Variants in BBS9 observed in about 807,000 individuals in gnomAD.
BBS9 encodes the protein Bardet-Biedl syndrome 9, also known as protein PTHB1.
Under a neutral mutation model 117.7 loss-of-function variants are expected in BBS9, and 89 were observed. The observed-to-expected ratio is 0.76, with a 90% CI of 0.64 to 0.90. The LOEUF (loss-of-function observed/expected upper bound fraction) is 0.90, where lower values mean the gene tolerates loss of function less well. Ranked by LOEUF, BBS9 falls within the 40% of genes least tolerant of loss-of-function variation. BBS9 has a pLI of 0.00. For synonymous variants in BBS9, 379 were observed against 370.9 expected (o/e 1.02, Z -0.25); for missense variants, 982 against 1,042.2 (o/e 0.94, Z 0.80).
intron 17 of BBS9, 117 bp from the exon 18 acceptor site, chr7:33,383,549 T>C (rs1033895395): frequency 2.2e-6 from 2 of 921,902 alleles, no homozygotes; most frequent in Non-Finnish European, 3.4e-6. Context: ...TGTAATCATA[T>C]CTTTGTTACA....
chr7:33,171,264 C>T (rs979445952), intron 4 of BBS9, among the ~76,000 whole-genome samples: 3 of 151,804 alleles, frequency 2.0e-5, no homozygotes, highest in Non-Finnish European at 2.9e-5. Flanking sequence ...AGATATAGAT[C>T]AATGGAACAG....
intron 19 of BBS9, among the ~76,000 whole-genome samples, chr7:33,391,877 A>G (rs1471857378): frequency 6.6e-6 from 1 of 152,194 alleles, no homozygotes; most frequent in African/African-American, 2.4e-5. Flanking sequence ...TTTTTGACAC[A>G]TGAGGTTTAA....
rs757754301 is a variant in BBS9 at position 33,505,620 on chromosome 7, C to T, written c.2273C>T (p.Pro758Leu). ...GCTATTCTGGAAGCGGCATTTCTGC[C>T]GCTACAAGAAGACACTCAAGAATTG... ...QVAILEAAFL[P>L]LQEDTQELGW... Residue 758 changes from proline (P) to leucine (L), a missense_variant, in exon 20 of 23, where the codon CCG (proline) becomes CTG (leucine). By Grantham distance (98) the Pro-to-Leu change is moderately conservative (BLOSUM62 -3). Transcript: ENST00000242067. 2.2e-5 allele frequency: 35 copies of T among 1,613,612 alleles called. No individual in the cohort carries two copies. Among genetic ancestry groups the T allele is most frequent in the East Asian group, 1.1e-4 (5 of 44,876 alleles).
At chr7:33,588,727 G>T (rs945420677) in intron 21 of BBS9, among the ~76,000 whole-genome samples, 13 of 152,160 alleles carry the variant, frequency 8.5e-5, no homozygotes, top group Admixed American at 2.6e-4. Flanking sequence ...GATAGGCTTT[G>T]TTCACAAGAC....
intron 14 of BBS9, 37 bp from the exon 15 acceptor site, chr7:33,352,822 T>C: frequency 1.9e-6 from 3 of 1,608,246 alleles, no homozygotes; most frequent in African/African-American, 1.3e-5. Context: ...TGCCTTCTTT[T>C]CCCCCTACCC....
rs559173892 is a variant in BBS9 at position 33,279,373 on chromosome 7, G to A, written c.1016+5417G>A. 2.6e-5 allele frequency among the ~76,000 whole-genome samples: 4 copies of A among 152,338 alleles called. No individual in the cohort carries two copies. In the East Asian group the frequency reaches 7.7e-4, roughly 29 times the overall value. On this transcript the variant is annotated intron_variant, in intron 9 of 22. Coordinates refer to ENST00000242067, the MANE Select transcript of BBS9 (RefSeq NM_198428.3). ...TTATGGGTATGAGCCACAGTGCTCA[G>A]CCCACATATTTATATTAGGAAGTTA...
At chr7:33,412,542 T>C (rs1355902451) in intron 19 of BBS9, among the ~76,000 whole-genome samples, 1 of 152,234 alleles carries the variant, frequency 6.6e-6, no homozygotes, top group Non-Finnish European at 1.5e-5. Flanking sequence ...TTCCTATTCC[T>C]GGAGTTCAGC....
At chr7:33,614,923 C>T (rs1209572231) in intron 21 of BBS9, among the ~76,000 whole-genome samples, 1 of 152,078 alleles carries the variant, frequency 6.6e-6, no homozygotes, top group Non-Finnish European at 1.5e-5. Context: ...GCATAAACTA[C>T]TGGAGTTTTA....
intron 5 of BBS9, among the ~76,000 whole-genome samples, chr7:33,220,577 C>T (rs1180963962): frequency 3.3e-5 from 5 of 152,222 alleles, no homozygotes; most frequent in Non-Finnish European, 7.3e-5. Context: ...CAGTTTTGAG[C>T]ACGCTTATGT....
At chr7:33,520,551 T>G (rs1848453509) in intron 20 of BBS9, among the ~76,000 whole-genome samples, 1 of 152,194 alleles carries the variant, frequency 6.6e-6, no homozygotes. Context: ...TAAAATAATT[T>G]TCCCAGAGAC....
At chr7:33,221,003 C>T (rs971245798) in intron 5 of BBS9, among the ~76,000 whole-genome samples, 4 of 152,176 alleles carry the variant, frequency 2.6e-5, no homozygotes, top group African/African-American at 9.7e-5. Context: ...GAGGTTTAGC[C>T]GTGCTTTTTT....
At chr7:33,531,448 C>T (rs1432964198) in intron 20 of BBS9, among the ~76,000 whole-genome samples, 2 of 152,128 alleles carry the variant, frequency 1.3e-5, no homozygotes, top group Admixed American at 1.3e-4. Flanking sequence ...TGTGGGATAC[C>T]TACACTCCAA....
chr7:33,143,549 C>T (rs972549997), intron 1 of BBS9, among the ~76,000 whole-genome samples: 1 of 151,640 alleles, frequency 6.6e-6, no homozygotes, highest in Non-Finnish European at 1.5e-5. Flanking sequence ...TTCATATGCT[C>T]CTTGGCCATT....
At chr7:33,233,569 T>A (rs1455470035) in intron 5 of BBS9, among the ~76,000 whole-genome samples, 1 of 151,980 alleles carries the variant, frequency 6.6e-6, no homozygotes, top group Non-Finnish European at 1.5e-5. Flanking sequence ...ATATCAAGCA[T>A]TTTTTTTCTT....
At chr7:33,475,290 T>G (rs1376943395) in intron 19 of BBS9, among the ~76,000 whole-genome samples, 2 of 152,228 alleles carry the variant, frequency 1.3e-5, no homozygotes, top group African/African-American at 4.8e-5. Flanking sequence ...GGTAAGCCCA[T>G]GGGCCATAGT....
intron 21 of BBS9, among the ~76,000 whole-genome samples, chr7:33,545,839 A>G (rs1047042031): frequency 4.0e-5 from 6 of 150,988 alleles, no homozygotes; most frequent in Non-Finnish European, 7.4e-5. Context: ...GTTTGTATGC[A>G]TATCCTTCTA....
downstream of BBS9, among the ~76,000 whole-genome samples, chr7:33,606,983 G>A (rs1009073425): frequency 5.9e-5 from 9 of 151,952 alleles, no homozygotes; most frequent in Non-Finnish European, 4.4e-5. Context: ...TCCTCTTAAG[G>A]TTCTCCTAAT....
chr7:33,245,351 T>C (rs1270234172), intron 5 of BBS9, among the ~76,000 whole-genome samples: 1 of 152,156 alleles, frequency 6.6e-6, no homozygotes, highest in Non-Finnish European at 1.5e-5. Flanking sequence ...TTAGTGTTTC[T>C]AGTGTTAGGC....
rs192494892 is a variant in BBS9 at position 33,271,393 on chromosome 7, A to C, written c.703-1619A>C. 3.3e-5 allele frequency among the ~76,000 whole-genome samples: 5 copies of C among 152,346 alleles called. No homozygotes were observed. The East Asian group carries it at 9.6e-4, about 29-fold the overall frequency. On this transcript the variant is annotated intron_variant, in intron 7 of 22. Coordinates refer to ENST00000242067, the MANE Select transcript of BBS9 (RefSeq NM_198428.3). ...ACTAACCTTGAATGTAAACAGGCTA[A>C]ATGACCCATTTAAAACACACAGAGT...
Sources: allele counts gnomAD v4.1 joint callset (sites outside exome capture counted in the v4.1 genomes callset), GRCh38; gene constraint gnomAD v4.1.1; transcripts MANE v1.5; gene names NCBI Gene and HGNC (gene_info 2026-07-23, HGNC 2026-07-21).